Variants in AIG1 observed in about 807,000 individuals in gnomAD.
AIG1 encodes androgen induced 1.
A neutral mutation model predicts 31.4 loss-of-function variants in AIG1; 23 were observed. The ratio of observed to expected loss-of-function variants is 0.73; its 90% CI spans 0.53 to 1.04. The LOEUF is 1.04. Ranked by LOEUF, AIG1 falls within the 50% of genes least tolerant of loss-of-function variation. The pLI is 0.00. For missense variants in AIG1, 274 were observed against 295.0 expected (o/e 0.93, Z 0.52); for synonymous variants, 100 against 110.5 (o/e 0.90, Z 0.60).
chr6:143,290,095 A>G (rs1277722387), intron 4 of AIG1, among the ~76,000 whole-genome samples: 1 of 152,066 alleles, frequency 6.6e-6, no homozygotes, highest in Non-Finnish European at 1.5e-5. Flanking sequence ...TGAAGGTGAT[A>G]ATGTTACTGG....
intron 1 of AIG1, among the ~76,000 whole-genome samples, chr6:143,083,158 C>T (rs935730033): frequency 6.6e-6 from 1 of 152,226 alleles, no homozygotes; most frequent in African/African-American, 2.4e-5. Flanking sequence ...GTAAGCAGAG[C>T]TGAGCCTTTG....
chr6:143,230,743 C>G (rs1202356353), intron 3 of AIG1, among the ~76,000 whole-genome samples: 1 of 151,950 alleles, frequency 6.6e-6, no homozygotes, highest in Admixed American at 6.6e-5. Context: ...TTTCAAAATA[C>G]TATAATAGCA....
chr6:143,237,348 G>A (rs184044257), intron 3 of AIG1, among the ~76,000 whole-genome samples: 149 of 152,212 alleles, frequency 9.8e-4, no homozygotes, highest in Non-Finnish European at 1.2e-3. Context: ...GTCTCATGAA[G>A]AAGTCTTGTC....
At chr6:143,243,938 CA>C (rs1474728593) in intron 3 of AIG1, among the ~76,000 whole-genome samples, 4 of 152,188 alleles carry the variant, frequency 2.6e-5, no homozygotes, top group Non-Finnish European at 5.9e-5. Flanking sequence ...GATTTGCCAT[CA>C]AAATCCTTCT....
At chr6:143,188,501 T>A (rs1338194876) in intron 3 of AIG1, 2 of 985,282 alleles carry the variant, frequency 2.0e-6, no homozygotes, top group African/African-American at 3.5e-5. Context: ...TCCCTTCCTG[T>A]GACCTGCCTA....
chr6:143,218,007 A>G (rs1247146020), intron 3 of AIG1, among the ~76,000 whole-genome samples: 2 of 152,252 alleles, frequency 1.3e-5, no homozygotes, highest in Non-Finnish European at 2.9e-5. Flanking sequence ...AATAGAAGGA[A>G]GTACAACAGC....
intron 1 of AIG1, among the ~76,000 whole-genome samples, chr6:143,071,926 G>A (rs1211588407): frequency 4.0e-5 from 6 of 151,830 alleles, no homozygotes; most frequent in Admixed American, 3.3e-4. Flanking sequence ...TGGGACTATA[G>A]GCATGTGCCA....
At chr6:143,074,818 A>G (rs1777592545) in intron 1 of AIG1, among the ~76,000 whole-genome samples, 1 of 152,116 alleles carries the variant, frequency 6.6e-6, no homozygotes, top group Non-Finnish European at 1.5e-5. Flanking sequence ...ACATTTGTCA[A>G]TAGTGTGTTT....
chr6:143,322,527 A>C (rs984144271), intron 4 of AIG1, among the ~76,000 whole-genome samples: 1 of 152,170 alleles, frequency 6.6e-6, no homozygotes, highest in African/African-American at 2.4e-5. Context: ...AGAAGCTCCA[A>C]ATGATTCCAG....
chr6:143,066,533 A>G (rs1776726821), intron 1 of AIG1, among the ~76,000 whole-genome samples: 1 of 152,162 alleles, frequency 6.6e-6, no homozygotes, highest in African/African-American at 2.4e-5. Context: ...TTGGCCTCCC[A>G]AAGTGCTGGG....
chr6:143,232,910 C>T (rs528242686), intron 3 of AIG1, among the ~76,000 whole-genome samples: 5 of 152,174 alleles, frequency 3.3e-5, no homozygotes, highest in Non-Finnish European at 7.4e-5. Context: ...ACACTTAAAG[C>T]GATGTCCTTT....
At chr6:143,151,542 A>C (rs1049078045) in intron 2 of AIG1, among the ~76,000 whole-genome samples, 1 of 152,180 alleles carries the variant, frequency 6.6e-6, no homozygotes, top group Non-Finnish European at 1.5e-5. Context: ...CCCCATAGCA[A>C]TTCCAGAGCA....
At chr6:143,323,678 A>G (rs1313645946) in intron 4 of AIG1, among the ~76,000 whole-genome samples, 2 of 152,122 alleles carry the variant, frequency 1.3e-5, no homozygotes, top group African/African-American at 4.8e-5. Context: ...CCTGGGACCT[A>G]CAGGCTGTTC....
At chr6:143,095,763 G>C (rs934305066) in intron 1 of AIG1, among the ~76,000 whole-genome samples, 2 of 151,770 alleles carry the variant, frequency 1.3e-5, no homozygotes, top group African/African-American at 4.8e-5. Context: ...CATTTTAATT[G>C]AACAAGCCAA....
chr6:143,077,254 A>G (rs1777821495), intron 1 of AIG1, among the ~76,000 whole-genome samples: 1 of 152,232 alleles, frequency 6.6e-6, no homozygotes, highest in Non-Finnish European at 1.5e-5. Context: ...AGAACTTAGT[A>G]TAGTAAAATA....
rs117401397 is a variant in AIG1 at position 143,268,987 on chromosome 6, A to G, written c.400-15123A>G. 3.4e-4 allele frequency among the ~76,000 whole-genome samples: 52 copies of G among 152,280 alleles called. No individual in the cohort carries two copies. The highest frequency in any genetic ancestry group is 8.3e-4 in the South Asian group (4 of 4,822). On this transcript the variant is annotated intron_variant, in intron 3 of 5. Coordinates refer to ENST00000357847, the MANE Select transcript of AIG1 (RefSeq NM_016108.4). This position sits in a 1 kb window ranked among gnomAD's most constrained non-coding sequence, Gnocchi z 5.0. ...TATAAAGACCTGACCCACTTCCTCT[A>G]TTAGGGGCAACTCTGAAGGGCAGGG...
intron 4 of AIG1, among the ~76,000 whole-genome samples, chr6:143,321,116 G>A (rs953939774): frequency 1.4e-4 from 21 of 151,568 alleles, no homozygotes; most frequent in Admixed American, 9.9e-4. Context: ...CACTGCACCC[G>A]GCCGTGAGTA....
rs572963044 is a variant in AIG1, at chr6:143,092,253, C to T, written c.141+31187C>T. 2.0e-5 allele frequency among the ~76,000 whole-genome samples: 3 copies of T among 151,176 alleles called. No individual in the cohort carries two copies. In the East Asian group the frequency reaches 5.8e-4, roughly 29 times the overall value. ...TCATGTAGCTGGGACTACAGGTGTG[C>T]ATCACCATGCTGGGCTAATTTTTTG... On this transcript the variant is annotated intron_variant, in intron 1 of 5. Transcript: ENST00000357847.
At chr6:143,184,429 C>A (rs1789035824) in intron 3 of AIG1, among the ~76,000 whole-genome samples, 1 of 152,236 alleles carries the variant, frequency 6.6e-6, no homozygotes, top group African/African-American at 2.4e-5. Context: ...GCCTCTGATA[C>A]AAGGACCTTG....
Sources: allele counts gnomAD v4.1 joint callset (sites outside exome capture counted in the v4.1 genomes callset), GRCh38; gene constraint gnomAD v4.1.1; non-coding constraint Gnocchi (gnomAD v3.1); transcripts MANE v1.5; gene names NCBI Gene and HGNC (gene_info 2026-07-23, HGNC 2026-07-21).